Variants in L3MBTL4 observed in about 807,000 individuals in gnomAD.
L3MBTL4 encodes lethal(3)malignant brain tumor-like protein 4.
Under a neutral mutation model 84.5 loss-of-function variants are expected in L3MBTL4, and 70 were observed. That is an observed-to-expected ratio of 0.83 (90% CI 0.68 to 1.01). The LOEUF (loss-of-function observed/expected upper bound fraction) is 1.01, where lower values mean the gene tolerates loss of function less well. Among genes scored for constraint, L3MBTL4 ranks in the 50% least tolerant of loss-of-function variants. The probability of loss-of-function intolerance (pLI) is 0.00; values close to 1 mark genes in which losing one functional copy is unlikely to be tolerated. For missense variants in L3MBTL4, 715 were observed against 754.8 expected, an observed-to-expected ratio of 0.95 and a Z score of 0.62; for synonymous variants, 274 against 259.8, an observed-to-expected ratio of 1.05 and a Z score of -0.52.
In L3MBTL4 at chr18:6,400,132, G is replaced by A. The variant is rs994340301; in HGVS notation, c.-91+14669C>T. 5.3e-4 allele frequency among the ~76,000 whole-genome samples: 80 copies of A among 152,298 alleles called. 1 individual carries two copies. Among genetic ancestry groups the A allele is most frequent in the Admixed American group, 4.7e-3 (72 of 15,302 alleles). Reference sequence around the variant, plus strand: ...GTGGTCGAAAATTTAAAGTTAGGAAGTTCTGCATCATGACCTTGAGAAGTT... The same window carrying A: ...GTGGTCGAAAATTTAAAGTTAGGAAATTCTGCATCATGACCTTGAGAAGTT... On this transcript the variant is annotated intron_variant, in intron 1 of 18. Transcript: ENST00000317931.
chr18:6,203,695 G>C (rs924969857), intron 12 of L3MBTL4, among the ~76,000 whole-genome samples: 1 of 152,256 alleles, frequency 6.6e-6, no homozygotes, highest in African/African-American at 2.4e-5. Context: ...TTTAAGAACA[G>C]GCATTGCAAA....
At chr18:6,198,742 A>T (rs2145623876) in intron 12 of L3MBTL4, among the ~76,000 whole-genome samples, 1 of 152,336 alleles carries the variant, frequency 6.6e-6, no homozygotes, top group Non-Finnish European at 1.5e-5. Context: ...CAGTGTAATC[A>T]CTGTCTAACT....
At chr18:6,397,605 T>C (rs2055329048) in intron 1 of L3MBTL4, 1 of 152,148 alleles carries the variant, frequency 6.6e-6, no homozygotes, top group African/African-American at 2.4e-5. Context: ...TCCCAGCATT[T>C]TGGGAGGTCG....
intron 1 of L3MBTL4, among the ~76,000 whole-genome samples, chr18:6,321,340 G>A (rs1255788461): frequency 6.6e-6 from 1 of 152,018 alleles, no homozygotes; most frequent in Non-Finnish European, 1.5e-5. Flanking sequence ...TCCAACAAAG[G>A]ACTAATATCC....
chr18:6,344,603 G>C (rs2052779966), intron 1 of L3MBTL4, among the ~76,000 whole-genome samples: 1 of 152,042 alleles, frequency 6.6e-6, no homozygotes, highest in Non-Finnish European at 1.5e-5. Flanking sequence ...AAATTACAAG[G>C]TAATATCCCT....
intron 5 of L3MBTL4, among the ~76,000 whole-genome samples, chr18:6,254,106 G>A (rs1253493719): frequency 1.3e-5 from 2 of 151,988 alleles, no homozygotes; most frequent in African/African-American, 4.8e-5. Flanking sequence ...ACAAAATTTT[G>A]GGTGCAAATG....
intron 14 of L3MBTL4, among the ~76,000 whole-genome samples, chr18:6,093,878 C>T (rs2058543292): frequency 6.6e-6 from 1 of 152,192 alleles, no homozygotes; most frequent in Non-Finnish European, 1.5e-5. Context: ...AATATGCATT[C>T]CCTGGTTTGA....
intron 13 of L3MBTL4, among the ~76,000 whole-genome samples, chr18:6,166,475 T>A (rs2145114996): frequency 6.6e-6 from 1 of 152,252 alleles, no homozygotes; most frequent in Non-Finnish European, 1.5e-5. Context: ...TATAACAAAC[T>A]GTCTCTCAGA....
chr18:6,013,431 C>A (rs182889139), intron 16 of L3MBTL4, among the ~76,000 whole-genome samples: 2 of 152,144 alleles, frequency 1.3e-5, no homozygotes, highest in Non-Finnish European at 2.9e-5. Flanking sequence ...TTAAATACTT[C>A]CTTCACTTTT....
intron 14 of L3MBTL4, among the ~76,000 whole-genome samples, chr18:6,134,382 C>T (rs1194426717): frequency 6.6e-6 from 1 of 152,138 alleles, no homozygotes; most frequent in East Asian, 1.9e-4. Flanking sequence ...ACCCATCATG[C>T]CTTCCCAACA....
rs538173350 is a variant in L3MBTL4 at position 6,030,905 on chromosome 18, A to G, written c.1444+49976T>C. 438 of 985,172 alleles carry G rather than the reference A, an allele frequency of 4.4e-4. 2 individuals are homozygous for G. The Middle Eastern group carries it at 7.3e-3, about 16-fold the overall frequency. The allele number at this position is 985,172 out of a possible 1,614,324, so 61.0% of individuals were successfully genotyped here. On this transcript the variant is annotated intron_variant, in intron 16 of 18. Coordinates refer to ENST00000317931, the MANE Select transcript of L3MBTL4 (RefSeq NM_001330559.2). ...AACCAGGCAGCCAAATTACACCCAG[A>G]GGTTTTTCCCTTTATAAATACAATA...
At chr18:6,410,581 G>C (rs377359221) in intron 1 of L3MBTL4, among the ~76,000 whole-genome samples, 1 of 152,100 alleles carries the variant, frequency 6.6e-6, no homozygotes, top group Non-Finnish European at 1.5e-5. Flanking sequence ...AAAGCTATCA[G>C]AATAGCTTAC....
chr18:6,141,709 T>C (rs1383283168), intron 13 of L3MBTL4, among the ~76,000 whole-genome samples: 3 of 152,214 alleles, frequency 2.0e-5, no homozygotes, highest in Non-Finnish European at 4.4e-5. Context: ...CTACTATGAC[T>C]GGCCTAATCC....
intron 1 of L3MBTL4, among the ~76,000 whole-genome samples, chr18:6,375,606 G>A (rs564867519): frequency 4.6e-5 from 7 of 152,224 alleles, no homozygotes; most frequent in South Asian, 2.1e-4. Context: ...TGAGCCCTCC[G>A]AGAGGGCTCT....
intron 16 of L3MBTL4, among the ~76,000 whole-genome samples, chr18:5,975,841 T>A (rs1482874348): frequency 6.6e-6 from 1 of 152,246 alleles, no homozygotes; most frequent in Non-Finnish European, 1.5e-5. Context: ...CCAAGTCATA[T>A]TGCTCCTCAG....
At chr18:6,048,317 T>C (rs912767462) in intron 16 of L3MBTL4, among the ~76,000 whole-genome samples, 1 of 152,174 alleles carries the variant, frequency 6.6e-6, no homozygotes, top group Admixed American at 6.5e-5. Context: ...CCCCAGGCAA[T>C]TTACAGATTC....
intron 1 of L3MBTL4, chr18:6,397,893 T>C (rs2055340673): frequency 6.6e-6 from 1 of 151,842 alleles, no homozygotes; most frequent in Admixed American, 6.6e-5. Flanking sequence ...AAAAATTTCT[T>C]ACATCTGAGA....
chr18:5,970,785 C>T (rs1397600186), intron 16 of L3MBTL4, among the ~76,000 whole-genome samples: 1 of 152,186 alleles, frequency 6.6e-6, no homozygotes, highest in African/African-American at 2.4e-5. Context: ...ATTTCCACCT[C>T]AAATTAATTA....
chr18:6,290,894 A>G (rs939977672), intron 4 of L3MBTL4, among the ~76,000 whole-genome samples: 1 of 152,142 alleles, frequency 6.6e-6, no homozygotes, highest in African/African-American at 2.4e-5. Context: ...CATCCCATCC[A>G]ACTTTCTAAT....
Sources: allele counts gnomAD v4.1 joint callset (sites outside exome capture counted in the v4.1 genomes callset), GRCh38; gene constraint gnomAD v4.1.1; transcripts MANE v1.5; gene names NCBI Gene and HGNC (gene_info 2026-07-23, HGNC 2026-07-21).